The following LIMCH1 variants were observed in gnomAD, a reference collection of about 807,000 sequenced individuals.
LIMCH1 encodes the protein LIM and calponin homology domains-containing protein 1.
Under a neutral mutation model 176.5 loss-of-function variants are expected in LIMCH1, and 113 were observed. The observed-to-expected ratio is 0.64, with a 90% CI of 0.55 to 0.75. The LOEUF (loss-of-function observed/expected upper bound fraction) is 0.75, where lower values mean the gene tolerates loss of function less well. LIMCH1 is among the 30% of genes least tolerant of loss of function. LIMCH1 has a pLI of 0.00. For missense variants in LIMCH1, 1,674 were observed against 1,814.9 expected (o/e 0.92, Z 1.41); for synonymous variants, 619 against 645.9 (o/e 0.96, Z 0.63).
chr4:41,512,019 T>C (rs546061989), intron 2 of LIMCH1, among the ~76,000 whole-genome samples: 1 of 152,300 alleles, frequency 6.6e-6, no homozygotes, highest in Admixed American at 6.5e-5. Flanking sequence ...GATAAGAGGC[T>C]TGTATCCAAA....
intron 1 of LIMCH1, among the ~76,000 whole-genome samples, chr4:41,444,384 T>G (rs1397359221): frequency 6.6e-6 from 1 of 151,852 alleles, no homozygotes; most frequent in Admixed American, 6.6e-5. Context: ...AGCATAAGTT[T>G]ATTAATGTTT....
At position 41,631,392 on chromosome 4, in the gene LIMCH1, A is replaced by T. The variant is rs73810294; in HGVS notation, c.1516A>T (p.Ile506Phe). The change falls in exon 10 of 32, where the codon ATT becomes TTT. Residue 506 changes from isoleucine (I) to phenylalanine (F), a missense_variant. Coordinates refer to ENST00000503057, the MANE Select transcript of LIMCH1 (RefSeq NM_001330672.2). The part of the protein sequence containing the change: ...EEEVICHGSK[I>F]QMDSVSPVSA... ...AGAAGTCATCTGTCATGGCAGCAAG[A>T]TTCAAATGGACTCTGTGTCTCCTGT... The T allele has an allele frequency of 3.6e-3, 5,547 of 1,536,242 alleles. 151 individuals carry two copies. In the African/African-American group the frequency reaches 0.065, roughly 18 times the overall value.
chr4:41,527,782 C>T (rs2076818862), intron 3 of LIMCH1, among the ~76,000 whole-genome samples: 1 of 144,426 alleles, frequency 6.9e-6, no homozygotes, highest in South Asian at 2.2e-4. Flanking sequence ...AAGATTGCGC[C>T]ACTGCACTCC....
At chr4:41,513,432 A>G (rs940844360) in intron 2 of LIMCH1, among the ~76,000 whole-genome samples, 3 of 152,052 alleles carry the variant, frequency 2.0e-5, no homozygotes, top group African/African-American at 7.2e-5. Flanking sequence ...CCAAGGGGAG[A>G]TGGCCATATT....
intron 1 of LIMCH1, among the ~76,000 whole-genome samples, chr4:41,461,661 G>A (rs1034958133): frequency 6.6e-6 from 1 of 152,194 alleles, no homozygotes; most frequent in Non-Finnish European, 1.5e-5. Context: ...TTGAGGGCCA[G>A]TGCCTGATTT....
rs115090511 is a variant in LIMCH1, at chr4:41,475,918, C to T, written c.97-18618C>T. Among the ~76,000 whole-genome samples the T allele has an allele frequency of 9.4e-3, 1,436 of 152,226 alleles. 28 individuals are homozygous for T. Among genetic ancestry groups the T allele is most frequent in the African/African-American group, 0.033 (1,365 of 41,550 alleles). On this transcript the variant is annotated intron_variant, in intron 1 of 26. Coordinates refer to the LIMCH1 transcript ENST00000313860. ...GACATTAAAAAGATTTTTAAAAATA[C>T]AATCAAGGACCTTTTAGAACACAGT... is the stretch of plus-strand genomic sequence containing the variant.
rs777400125 is a variant in LIMCH1 at position 41,613,526 on chromosome 4, T to C, written c.70T>C (p.Trp24Arg). ...SIRDSGYIDCWDSERSDSLSP... is the reference protein window; with the variant it reads ...SIRDSGYIDCRDSERSDSLSP... ...CCGAGACAGTGGCTACATCGACTGCTGGGATTCCGAGCGCAGCGACTCCCT... is the reference window on the plus strand; with the variant it reads ...CCGAGACAGTGGCTACATCGACTGCCGGGATTCCGAGCGCAGCGACTCCCT... Residue 24 changes from tryptophan (W) to arginine (R), a missense_variant, in exon 5 of 32, where the codon TGG becomes CGG. This residue lies in a region of LIMCH1 where 655 missense variants were observed against 692.2 expected (regional missense o/e 0.95). Coordinates refer to ENST00000503057, the MANE Select transcript of LIMCH1 (RefSeq NM_001330672.2). 2 of 1,614,090 alleles carry C rather than the reference T, an allele frequency of 1.2e-6. No homozygotes were observed. The highest frequency in any genetic ancestry group is 2.2e-5 in the South Asian group (2 of 91,068).
intron 1 of LIMCH1, among the ~76,000 whole-genome samples, chr4:41,368,299 A>G (rs919052221): frequency 7.9e-5 from 12 of 152,332 alleles, no homozygotes; most frequent in African/African-American, 2.9e-4. Context: ...TTATTTCCTG[A>G]AAAGTGTTTA....
chr4:41,631,188 C>A lies in LIMCH1; in HGVS notation c.1312C>A (p.Pro438Thr). The change falls in exon 10 of 32, where the codon CCA (proline) becomes ACA (threonine). Residue 438 changes from proline to threonine, a missense_variant. Transcript: ENST00000503057. Reference sequence around the variant, plus strand: ...GCACATCTGTGCTTCTGAGCCTTCCCCAGAAATTAAAGCAGAAACTGCCAT... The same window carrying A: ...GCACATCTGTGCTTCTGAGCCTTCCACAGAAATTAAAGCAGAAACTGCCAT... Reference protein sequence around the residue: ...VQHICASEPSPEIKAETAIRD... With the variant: ...VQHICASEPSTEIKAETAIRD... The A allele has an allele frequency of 6.5e-7, 1 of 1,535,574 alleles. No individual in the cohort carries two copies. Among genetic ancestry groups the A allele is most frequent in the South Asian group, 1.2e-5 (1 of 83,992 alleles).
At position 41,373,860 on chromosome 4, in the gene LIMCH1, T is replaced by C. The variant is rs1053549024; in HGVS notation, c.96+12924T>C. 2.0e-5 allele frequency among the ~76,000 whole-genome samples: 3 copies of C among 152,028 alleles called. No individual in the cohort carries two copies. In the East Asian group the frequency reaches 5.8e-4, roughly 29 times the overall value. ...GGTGACTGGATCATGGGGGCAAATTTCCCCCTTGCTGTTCTTGAGATAGTG... is the reference window on the plus strand; with the variant it reads ...GGTGACTGGATCATGGGGGCAAATTCCCCCCTTGCTGTTCTTGAGATAGTG... On this transcript the variant is annotated intron_variant, in intron 1 of 26. Coordinates refer to the LIMCH1 transcript ENST00000313860.
At chr4:41,510,175 T>C (rs542277645) in intron 2 of LIMCH1, among the ~76,000 whole-genome samples, 7 of 152,338 alleles carry the variant, frequency 4.6e-5, no homozygotes, top group Middle Eastern at 3.4e-3. Flanking sequence ...CCTATTAATC[T>C]GCTCCTTAAT....
At chr4:41,565,959 C>A (rs539122457) in intron 1 of LIMCH1, among the ~76,000 whole-genome samples, 36 of 152,280 alleles carry the variant, frequency 2.4e-4, no homozygotes, top group African/African-American at 8.7e-4. Context: ...TCTTATTTAA[C>A]CCTGACAACT....
At chr4:41,446,695 A>G (rs1331003956) in intron 1 of LIMCH1, among the ~76,000 whole-genome samples, 3 of 152,262 alleles carry the variant, frequency 2.0e-5, no homozygotes, top group Non-Finnish European at 4.4e-5. Context: ...AACTAGGAAA[A>G]GCCTGTATAT....
chr4:41,576,114 G>A (rs535170635), intron 1 of LIMCH1, among the ~76,000 whole-genome samples: 2 of 152,268 alleles, frequency 1.3e-5, no homozygotes, highest in East Asian at 1.9e-4. Flanking sequence ...TTAGTTCACC[G>A]TCTGCATAAC....
At chr4:41,568,974 A>G (rs2083145432) in intron 1 of LIMCH1, among the ~76,000 whole-genome samples, 1 of 152,084 alleles carries the variant, frequency 6.6e-6, no homozygotes, top group South Asian at 2.1e-4. Flanking sequence ...TATGCACAGA[A>G]TGTAATCAAG....
At chr4:41,447,303 C>T (rs2063382780) in intron 1 of LIMCH1, among the ~76,000 whole-genome samples, 1 of 152,078 alleles carries the variant, frequency 6.6e-6, no homozygotes, top group Admixed American at 6.5e-5. Flanking sequence ...TCAAGAGGAG[C>T]GAGTGTTTTG....
chr4:41,661,338 C>T (rs2094609740), intron 18 of LIMCH1, 82 bp from the exon 19 acceptor site: 1 of 1,008,518 alleles, frequency 9.9e-7, no homozygotes, highest in South Asian at 1.5e-5. Flanking sequence ...CTTTGTTGAC[C>T]TAAAAATTAC....
chr4:41,585,447 A>T (rs536074116), intron 1 of LIMCH1, among the ~76,000 whole-genome samples: 1 of 152,184 alleles, frequency 6.6e-6, no homozygotes, highest in Non-Finnish European at 1.5e-5. Flanking sequence ...TTATCTGTTC[A>T]TCTGCTGATG....
At chr4:41,544,583 A>G (rs1345274839) in intron 1 of LIMCH1, among the ~76,000 whole-genome samples, 1 of 152,048 alleles carries the variant, frequency 6.6e-6, no homozygotes, top group Non-Finnish European at 1.5e-5. Flanking sequence ...CTGGTTTTCT[A>G]TTACCTAGTT....
Sources: gnomAD v4.1 joint callset for allele counts (sites outside exome capture counted in the v4.1 genomes callset) on GRCh38, gnomAD v4.1.1 for gene constraint, gnomAD v4.1.1 regional missense constraint, MANE v1.5 for transcripts, NCBI Gene and HGNC (gene_info 2026-07-23, HGNC 2026-07-21) for gene names.